The following CHN2 variants were observed in gnomAD, a reference collection of about 807,000 sequenced individuals.
The protein encoded by CHN2 is beta-chimaerin.
In CHN2, 35 loss-of-function variants were observed where a neutral mutation model predicts 56.3. That is an observed-to-expected ratio of 0.62 (90% CI 0.47 to 0.82). CHN2 has a LOEUF of 0.82. CHN2 is among the 40% of genes least tolerant of loss of function. The probability of loss-of-function intolerance (pLI) is 0.00; values close to 1 mark genes in which losing one functional copy is unlikely to be tolerated. For missense variants in CHN2, 491 were observed against 580.5 expected (o/e 0.85, Z 1.58); for synonymous variants, 210 against 212.8 (o/e 0.99, Z 0.12).
At chr7:29,157,188 T>G (rs1794493235) in intron 2 of CHN2, among the ~76,000 whole-genome samples, 1 of 152,142 alleles carries the variant, frequency 6.6e-6, no homozygotes, top group African/African-American at 2.4e-5. Flanking sequence ...ATCACCCACA[T>G]CAGCAGTTTA....
chr7:29,322,508 C>T (rs1353560435), intron 1 of CHN2, among the ~76,000 whole-genome samples: 1 of 152,194 alleles, frequency 6.6e-6, no homozygotes, highest in Non-Finnish European at 1.5e-5. Flanking sequence ...CTCCTCCTCA[C>T]CTAGTAGGAG....
At chr7:29,241,953 C>G (rs1020703963) in intron 1 of CHN2, among the ~76,000 whole-genome samples, 3 of 152,138 alleles carry the variant, frequency 2.0e-5, no homozygotes, top group Admixed American at 2.0e-4. Context: ...CATTAATTAC[C>G]TAGAGATCTC....
intron 1 of CHN2, among the ~76,000 whole-genome samples, chr7:29,245,404 T>G (rs1787993020): frequency 6.6e-6 from 1 of 152,238 alleles, no homozygotes; most frequent in Non-Finnish European, 1.5e-5. Context: ...AGTTAGCACA[T>G]ACTTAGTATC....
At chr7:29,479,441 G>T (rs965299652) in intron 6 of CHN2, among the ~76,000 whole-genome samples, 1 of 152,214 alleles carries the variant, frequency 6.6e-6, no homozygotes, top group East Asian at 1.9e-4. Flanking sequence ...AGAACTCAGA[G>T]TGGAAAAGCT....
chr7:29,200,189 T>C (rs1385118807), intron 1 of CHN2: 1 of 152,106 alleles, frequency 6.6e-6, no homozygotes, highest in Non-Finnish European at 1.5e-5. Context: ...ATTAATAGCA[T>C]CCCCTATCAC....
At chr7:29,209,880 G>A (rs1403931066) in intron 1 of CHN2, among the ~76,000 whole-genome samples, 1 of 152,190 alleles carries the variant, frequency 6.6e-6, no homozygotes, top group African/African-American at 2.4e-5. Context: ...CAGGCAGAGG[G>A]TTTTGGAGAG....
chr7:29,501,645 C>T (rs1388517019), intron 9 of CHN2, among the ~76,000 whole-genome samples: 2 of 152,116 alleles, frequency 1.3e-5, no homozygotes, highest in Non-Finnish European at 2.9e-5. Flanking sequence ...AAAAGAGTCA[C>T]AGCACAGGGA....
At chr7:29,195,656 G>A (rs977966497) in intron 1 of CHN2, among the ~76,000 whole-genome samples, 21 of 150,482 alleles carry the variant, frequency 1.4e-4, no homozygotes, top group African/African-American at 4.5e-4. Flanking sequence ...GTGTGAGAGA[G>A]AGAGAGAGAG....
At chr7:29,396,986 C>G (rs1398723819) in intron 4 of CHN2, 1 of 152,316 alleles carries the variant, frequency 6.6e-6, no homozygotes, top group Non-Finnish European at 1.5e-5. Flanking sequence ...CTCAGTCCCT[C>G]CCACCAGAAC....
chr7:29,192,584 A>C (rs1783030046), upstream of CHN2: 1 of 152,240 alleles, frequency 6.6e-6, no homozygotes, highest in African/African-American at 2.4e-5. Context: ...AAAATTTTTC[A>C]AACTATACAT....
At chr7:29,420,395 A>G (rs1585331867) in intron 6 of CHN2, among the ~76,000 whole-genome samples, 1 of 152,236 alleles carries the variant, frequency 6.6e-6, no homozygotes, top group Non-Finnish European at 1.5e-5. Context: ...GGATGAATGA[A>G]TAAAGAAAAT....
chr7:29,367,180 A>ATT, intron 2 of CHN2, among the ~76,000 whole-genome samples: 1 of 152,288 alleles, frequency 6.6e-6, no homozygotes, highest in East Asian at 1.9e-4. Context: ...CAGCAGAAAA[A>ATT]TCACTCATTA....
intron 1 of CHN2, among the ~76,000 whole-genome samples, chr7:29,302,538 A>C (rs1585007788): frequency 7.8e-6 from 1 of 128,636 alleles, no homozygotes; most frequent in Non-Finnish European, 1.6e-5. Context: ...ATAGGGTCTC[A>C]CTATATTACC....
At chr7:29,409,958 T>C (rs911929480) in intron 6 of CHN2, among the ~76,000 whole-genome samples, 2 of 152,190 alleles carry the variant, frequency 1.3e-5, no homozygotes, top group African/African-American at 4.8e-5. Flanking sequence ...CTATGGGGAC[T>C]GGGCAGGCTA....
chr7:29,199,341 A>G (rs1398441325), intron 1 of CHN2, among the ~76,000 whole-genome samples: 1 of 152,246 alleles, frequency 6.6e-6, no homozygotes, highest in Non-Finnish European at 1.5e-5. Context: ...TTACTGAAAC[A>G]GACATTCTCA....
intron 6 of CHN2, among the ~76,000 whole-genome samples, chr7:29,440,826 A>G (rs1413373290): frequency 6.6e-6 from 1 of 152,080 alleles, no homozygotes; most frequent in Non-Finnish European, 1.5e-5. Flanking sequence ...AAGCCCATAC[A>G]TCTGTGGCCA....
At chr7:29,511,638 C>T (rs16875070) in intron 12 of CHN2, among the ~76,000 whole-genome samples, 5,136 of 152,076 alleles carry the variant, frequency 0.034, 227 homozygotes, top group East Asian at 0.18. Flanking sequence ...TAAAATAATA[C>T]TCAATGGCTA....
chr7:29,444,335 C>T (rs1667325828), intron 6 of CHN2, among the ~76,000 whole-genome samples: 2 of 152,194 alleles, frequency 1.3e-5, no homozygotes, highest in African/African-American at 4.8e-5. Flanking sequence ...CACCAAGAAG[C>T]ATTTGCCGAT....
intron 2 of CHN2, among the ~76,000 whole-genome samples, chr7:29,180,698 T>G (rs535086121): frequency 3.3e-5 from 5 of 152,322 alleles, no homozygotes; most frequent in Non-Finnish European, 5.9e-5. Context: ...TACAAACTAA[T>G]AAGAAGAACA....
Sources: gnomAD v4.1 joint callset for allele counts (sites outside exome capture counted in the v4.1 genomes callset) on GRCh38, gnomAD v4.1.1 for gene constraint, MANE v1.5 for transcripts, NCBI Gene and HGNC (gene_info 2026-07-23, HGNC 2026-07-21) for gene names.